Variants in LRP1B observed in about 807,000 individuals in gnomAD.
LRP1B encodes the protein LDL receptor related protein 1B.
LRP1B carries 217 observed loss-of-function variants against 556.6 expected under a neutral mutation model. That is an observed-to-expected ratio of 0.39 (90% CI 0.35 to 0.44). LRP1B has a LOEUF of 0.44. Ranked by LOEUF, LRP1B falls within the 20% of genes least tolerant of loss-of-function variation. The pLI is 1.00. For synonymous variants in LRP1B, 2,047 were observed against 1,865.8 expected (o/e 1.10, Z -2.50); for missense variants, 5,053 against 5,620.8 (o/e 0.90, Z 3.23).
chr2:140,270,443 T>C (rs1384504202), intron 85 of LRP1B, 97 bp from the exon 86 acceptor site: 10 of 764,820 alleles, frequency 1.3e-5, no homozygotes, highest in South Asian at 3.4e-5. Flanking sequence ...ATATTCATCA[T>C]ATAGGAGAGA....
At position 140,770,984 on chromosome 2, in the gene LRP1B, G is replaced by T; in HGVS notation, c.5523C>A (p.Asn1841Lys). The change falls in exon 34 of 91, where the codon AAC becomes AAA. Residue 1841 changes from asparagine (N) to lysine (K), a missense_variant. Coordinates refer to ENST00000389484, the MANE Select transcript of LRP1B (RefSeq NM_018557.3). ...AACAAAGTTGAGAGCATCCACCATT[G>T]TTTAGTTGGCAGGAATTGCTGCCTG... Reference protein sequence around the residue: ...AQQGSNSCQLNNGGCSQLCLP... With the variant: ...AQQGSNSCQLKNGGCSQLCLP... 4 of 1,579,682 alleles carry T rather than the reference G, an allele frequency of 2.5e-6. No homozygotes were observed. Among genetic ancestry groups the T allele is most frequent in the Non-Finnish European group, 3.4e-6 (4 of 1,167,076 alleles).
intron 2 of LRP1B, among the ~76,000 whole-genome samples, chr2:141,662,917 C>T (rs1022878876): frequency 6.6e-6 from 1 of 151,514 alleles, no homozygotes; most frequent in African/African-American, 2.4e-5. Context: ...AAATTGTTCA[C>T]ATCATTGGAA....
At chr2:140,384,819 A>G (rs1256370970) in intron 67 of LRP1B, among the ~76,000 whole-genome samples, 2 of 152,338 alleles carry the variant, frequency 1.3e-5, no homozygotes, top group Non-Finnish European at 2.9e-5. Flanking sequence ...AATAGTCATT[A>G]TCGTTACTAA....
intron 7 of LRP1B, among the ~76,000 whole-genome samples, chr2:141,123,464 TTAGA>T (rs1701118778): frequency 1.3e-5 from 2 of 151,922 alleles, no homozygotes; most frequent in South Asian, 2.1e-4. Context: ...TTAATTTTAG[TTAGA>T]TAATTAATAA....
chr2:141,858,285 T>C (rs1349687525), intron 1 of LRP1B, among the ~76,000 whole-genome samples: 1 of 152,198 alleles, frequency 6.6e-6, no homozygotes, highest in Non-Finnish European at 1.5e-5. Flanking sequence ...TTCTTTAGAT[T>C]TTCATCTTAT....
intron 27 of LRP1B, among the ~76,000 whole-genome samples, chr2:140,854,750 C>T (rs1422487129): frequency 2.0e-5 from 3 of 152,046 alleles, no homozygotes; most frequent in African/African-American, 7.2e-5. Context: ...TAGAATTGAA[C>T]AGCTTCAATA....
chr2:140,513,338 C>T (rs747659108), intron 51 of LRP1B, among the ~76,000 whole-genome samples: 11 of 151,966 alleles, frequency 7.2e-5, no homozygotes, highest in Non-Finnish European at 1.3e-4. Context: ...GTGTTATCAA[C>T]GGGGCAGTTT....
At chr2:140,595,301 G>T (rs959728134) in intron 43 of LRP1B, among the ~76,000 whole-genome samples, 2 of 151,610 alleles carry the variant, frequency 1.3e-5, no homozygotes, top group Admixed American at 1.3e-4. Flanking sequence ...TAGATTATCT[G>T]CTCTTTTCAA....
intron 7 of LRP1B, among the ~76,000 whole-genome samples, chr2:141,136,580 C>T (rs557119542): frequency 7.0e-6 from 1 of 142,894 alleles, no homozygotes; most frequent in South Asian, 2.2e-4. Flanking sequence ...TAAGTTTCTA[C>T]TATGTACCAG....
At chr2:141,558,554 A>G (rs17617659) in intron 2 of LRP1B, among the ~76,000 whole-genome samples, 56,699 of 151,640 alleles carry the variant, frequency 0.37, 11,129 homozygotes, top group Non-Finnish European at 0.44. Flanking sequence ...GGGTAGCCCT[A>G]CAGAGCATAT....
At chr2:140,465,069 C>T (rs1193865471) in intron 60 of LRP1B, among the ~76,000 whole-genome samples, 1 of 152,094 alleles carries the variant, frequency 6.6e-6, no homozygotes, top group East Asian at 1.9e-4. Context: ...TCAAGGTTTA[C>T]AAGCAGCATG....
chr2:140,516,848 T>C, intron 50 of LRP1B, 41 bp downstream of exon 50: 4 of 1,592,584 alleles, frequency 2.5e-6, no homozygotes, highest in Non-Finnish European at 3.4e-6. Flanking sequence ...ATATAAGTAA[T>C]AGTAAGGTTA....
chr2:140,485,373 G>A lies in LRP1B; in HGVS notation c.9395C>T (p.Pro3132Leu), dbSNP rs2105362583. 6.2e-7 allele frequency: 1 copy of A among 1,611,244 alleles called. No individual in the cohort carries two copies. The highest frequency in any genetic ancestry group is 8.5e-7 in the Non-Finnish European group (1 of 1,179,098). The stretch of plus-strand genomic sequence containing the variant: ...TTGAGGATCTAAAGACAAGTCTCTG[G>A]GAAACTTCAGCCTTTTGCTAACGAG... ...TILVSKRLKF[P>L]RDLSLDPQAG... The change falls in exon 59 of 91, where the codon CCC (proline) becomes CTC (leucine). Residue 3132 changes from proline to leucine, a missense_variant. Transcript: ENST00000389484.
At chr2:141,028,618 A>T (rs1443778883) in intron 11 of LRP1B, among the ~76,000 whole-genome samples, 1 of 152,178 alleles carries the variant, frequency 6.6e-6, no homozygotes, top group African/African-American at 2.4e-5. Flanking sequence ...GACTTTTCGA[A>T]TGATCAAAAA....
At chr2:141,682,638 C>G (rs1010090090) in intron 2 of LRP1B, among the ~76,000 whole-genome samples, 2 of 152,050 alleles carry the variant, frequency 1.3e-5, no homozygotes, top group Non-Finnish European at 2.9e-5. Flanking sequence ...TACATGTGTA[C>G]TTTTAAAATG....
chr2:140,350,489 G>A (rs1408427561), intron 77 of LRP1B, among the ~76,000 whole-genome samples: 1 of 151,906 alleles, frequency 6.6e-6, no homozygotes, highest in East Asian at 1.9e-4. Flanking sequence ...TGATAAAAAA[G>A]CTTATGTTCA....
At chr2:141,011,992 A>G (rs746877348) in intron 14 of LRP1B, among the ~76,000 whole-genome samples, 1 of 152,084 alleles carries the variant, frequency 6.6e-6, no homozygotes, top group Admixed American at 6.6e-5. Flanking sequence ...TTTGTCAGGC[A>G]CAGTGCTATG....
At chr2:140,646,694 TTGAG>T (rs1684497326) in intron 41 of LRP1B, among the ~76,000 whole-genome samples, 1 of 152,152 alleles carries the variant, frequency 6.6e-6, no homozygotes, top group African/African-American at 2.4e-5. Context: ...CTATTTCTCT[TTGAG>T]TATTTTATAT....
chr2:141,256,041 G>A (rs1397309080), intron 3 of LRP1B, among the ~76,000 whole-genome samples: 1 of 151,736 alleles, frequency 6.6e-6, no homozygotes, highest in Non-Finnish European at 1.5e-5. Context: ...GGAAGTGAGT[G>A]GTATTAAGTG....
Sources: allele counts gnomAD v4.1 joint callset (sites outside exome capture counted in the v4.1 genomes callset), GRCh38; gene constraint gnomAD v4.1.1; transcripts MANE v1.5; gene names NCBI Gene and HGNC (gene_info 2026-07-23, HGNC 2026-07-21).